RHPN2: variants seen among roughly 807,000 people sequenced by gnomAD.
The protein encoded by RHPN2 is rhophilin-2.
RHPN2 carries 40 observed loss-of-function variants against 79.0 expected under a neutral mutation model. That is an observed-to-expected ratio of 0.51 (90% CI 0.39 to 0.66). The LOEUF is 0.66. Ranked by LOEUF, RHPN2 falls within the 30% of genes least tolerant of loss-of-function variation. RHPN2 has a pLI of 0.00. For missense variants in RHPN2, 686 were observed against 883.5 expected, an observed-to-expected ratio of 0.78 and a Z score of 2.83; for synonymous variants, 285 against 363.5, an observed-to-expected ratio of 0.78 and a Z score of 2.46.
At position 33,002,316 on chromosome 19, in the gene RHPN2, A is replaced by G. The variant is rs753391318; in HGVS notation, c.1036T>C (p.Cys346Arg). ...GCCGCGTAGTGGTGGGCCTTCACGC[A>G]GGCTAAGCTGGCCCAGGAGTAGGGG... is the stretch of plus-strand genomic sequence containing the variant. ...NIPYSWASLA[C>R]VKAHHYAALA... The change falls in exon 9 of 15, where the codon TGC becomes CGC. Residue 346 changes from cysteine to arginine, a missense_variant. Transcript: ENST00000254260. 6 of 1,613,900 alleles carry G rather than the reference A, an allele frequency of 3.7e-6. No homozygotes were observed. Among genetic ancestry groups the G allele is most frequent in the South Asian group, 1.1e-5 (1 of 91,062 alleles).
In RHPN2 at chr19:32,979,645, A is replaced by G. The variant is rs1158979934; in HGVS notation, c.*351T>C. 1 of 238,370 alleles carries G rather than the reference A, an allele frequency of 4.2e-6. No homozygotes were observed. The highest frequency in any genetic ancestry group is 2.3e-5 in the African/African-American group (1 of 43,038). The allele number at this position is 238,370 out of a possible 1,614,324, so 14.8% of individuals were successfully genotyped here. A position where few individuals can be genotyped will look rare whatever the true frequency, so the allele number is the denominator to read the frequency against. ...TTATTAGCCAAACCTGGAAACAACT[A>G]CAAATTGTACTGATATAGGTAACCC... On this transcript the variant is annotated 3_prime_UTR_variant, in exon 15 of 15. Coordinates refer to ENST00000254260, the MANE Select transcript of RHPN2 (RefSeq NM_033103.5).
intron 10 of RHPN2, among the ~76,000 whole-genome samples, chr19:32,999,155 G>T (rs1971728384): frequency 6.6e-6 from 1 of 152,052 alleles, no homozygotes; most frequent in African/African-American, 2.4e-5. Flanking sequence ...AGAGGGGCAG[G>T]TTAGGGTGGT....
chr19:32,991,856 C>A lies in RHPN2; in HGVS notation c.1611G>T (p.Gln537His), dbSNP rs752960645. Residue 537 changes from glutamine to histidine, a missense_variant, in exon 13 of 15, where the codon CAG (glutamine) becomes CAT (histidine). Coordinates refer to ENST00000254260, the MANE Select transcript of RHPN2 (RefSeq NM_033103.5). ...AGCAGTAAGGATCCAGGAAGTGAAC[C>A]TGAACGGGGGCGTTCCCTCTCAAGG... is the stretch of plus-strand genomic sequence containing the variant. ...GFTLRGNAPV[Q>H]VHFLDPYCSA... 7.4e-6 allele frequency: 12 copies of A among 1,613,960 alleles called. No individual in the cohort carries two copies.
rs1026932914 is a variant in RHPN2 at position 32,993,903 on chromosome 19, A to G, written c.1497+74T>C. The stretch of plus-strand genomic sequence containing the variant: ...CATTTTGTTATAGCAGCCCACATGG[A>G]CTAAGACACCATACTCGCCAAAGTG... On this transcript the variant is annotated intron_variant, in intron 12 of 14. Coordinates refer to ENST00000254260, the MANE Select transcript of RHPN2 (RefSeq NM_033103.5). 1.3e-5 allele frequency: 14 copies of G among 1,087,374 alleles called. No homozygotes were observed. In the African/African-American group the frequency reaches 2.0e-4, roughly 16 times the overall value. 67.4% of individuals were successfully genotyped at this position (1,087,374 alleles called of 1,614,324 possible).
intron 2 of RHPN2, among the ~76,000 whole-genome samples, chr19:33,038,066 G>A (rs918431939): frequency 1.3e-5 from 2 of 152,014 alleles, no homozygotes; most frequent in Non-Finnish European, 2.9e-5. Flanking sequence ...TTAGCCGAAT[G>A]CCAGTCAGGT....
intron 10 of RHPN2, among the ~76,000 whole-genome samples, chr19:32,997,049 C>T (rs1971707972): frequency 6.6e-6 from 1 of 152,138 alleles, no homozygotes; most frequent in African/African-American, 2.4e-5. Flanking sequence ...GCATGCACCA[C>T]CACACTTGGA....
chr19:33,061,282 G>A (rs1471458655), intron 1 of RHPN2, among the ~76,000 whole-genome samples: 5 of 144,152 alleles, frequency 3.5e-5, no homozygotes, highest in East Asian at 4.1e-4. Flanking sequence ...AGGCAGTGGC[G>A]CAATCTCGGC....
In RHPN2 at chr19:33,037,793, C is replaced by A. The variant is rs560177827; in HGVS notation, c.185+6456G>T. ...CACGCTGCATTTAAGCACTGTAACACCGCGAGGGTCCGTCGCTTCATTCTT... is the reference window on the plus strand; with the variant it reads ...CACGCTGCATTTAAGCACTGTAACAACGCGAGGGTCCGTCGCTTCATTCTT... On this transcript the variant is annotated intron_variant, in intron 2 of 14. Coordinates refer to ENST00000254260, the MANE Select transcript of RHPN2 (RefSeq NM_033103.5). 7.2e-5 allele frequency among the ~76,000 whole-genome samples: 11 copies of A among 152,320 alleles called. No individual in the cohort carries two copies. The East Asian group carries it at 2.1e-3, about 29-fold the overall frequency.
intron 1 of RHPN2, among the ~76,000 whole-genome samples, chr19:33,046,334 C>T (rs985725369): frequency 2.0e-5 from 3 of 152,036 alleles, no homozygotes; most frequent in Middle Eastern, 3.2e-3. Flanking sequence ...GGCTCGATCT[C>T]GGCTCATTGC....
intron 14 of RHPN2, among the ~76,000 whole-genome samples, chr19:32,983,673 A>G (rs11084688): frequency 0.79 from 113,387 of 143,504 alleles, 45,695 homozygotes; most frequent in African/African-American, 0.95. Flanking sequence ...CTGTCACCAG[A>G]CTGGAGTGCA....
intron 1 of RHPN2, among the ~76,000 whole-genome samples, chr19:33,057,171 C>CT (rs34378143): frequency 6.8e-6 from 1 of 147,254 alleles, no homozygotes; most frequent in Non-Finnish European, 1.5e-5. Flanking sequence ...ACAGTGAGAC[C>CT]GTCTCTACAA....
At chr19:33,007,220 C>T (rs1298479802) in intron 7 of RHPN2, among the ~76,000 whole-genome samples, 2 of 151,800 alleles carry the variant, frequency 1.3e-5, no homozygotes, top group Admixed American at 6.6e-5. Flanking sequence ...GGTGCGGTGG[C>T]TCATGCCTGT....
intron 2 of RHPN2, among the ~76,000 whole-genome samples, chr19:33,034,537 C>T (rs1374931184): frequency 7.0e-6 from 1 of 143,874 alleles, no homozygotes; most frequent in Non-Finnish European, 1.5e-5. Context: ...ACCTGGGAGG[C>T]AGAGCTTACA....
intron 2 of RHPN2, chr19:33,027,109 A>C: frequency 3.9e-6 from 1 of 255,282 alleles, no homozygotes; most frequent in Non-Finnish European, 7.8e-6. Flanking sequence ...AAAATACAAA[A>C]ACTAGCTGGG....
At chr19:33,054,829 T>C (rs1972218889) in intron 1 of RHPN2, among the ~76,000 whole-genome samples, 1 of 152,174 alleles carries the variant, frequency 6.6e-6, no homozygotes. Flanking sequence ...GTGGCAACCA[T>C]CCAAATGGCC....
Position 33,011,715 on chromosome 19 carries a change from A to T in RHPN2, c.557T>A (p.Phe186Tyr), listed in dbSNP as rs540549805. ...GAGTCCCATCTGCCGTGTGGGCGGG[A>T]AGAATCGACTCTCGACAAAGCCCAG... ...IQLGFVESRF[F>Y]PPTRQMGLLF... Residue 186 changes from phenylalanine to tyrosine, a missense_variant, in exon 6 of 15, where the codon TTC becomes TAC. Physicochemically the swap from Phe to Tyr is conservative, Grantham distance 22. Coordinates refer to ENST00000254260, the MANE Select transcript of RHPN2 (RefSeq NM_033103.5). 2 of 1,613,948 alleles carry T rather than the reference A, an allele frequency of 1.2e-6. No individual in the cohort carries two copies. The highest frequency in any genetic ancestry group is 2.2e-5 in the South Asian group (2 of 91,078).
chr19:32,986,636 A>C (rs1468096750), intron 14 of RHPN2, among the ~76,000 whole-genome samples: 3 of 152,000 alleles, frequency 2.0e-5, no homozygotes, highest in Middle Eastern at 3.4e-3. Context: ...TCCACTAAAA[A>C]TACAAAAATT....
chr19:33,049,452 T>C (rs1310696207), intron 1 of RHPN2, among the ~76,000 whole-genome samples: 1 of 152,204 alleles, frequency 6.6e-6, no homozygotes, highest in Non-Finnish European at 1.5e-5. Context: ...AAAGCCGCTC[T>C]GAGACTGGAG....
intron 1 of RHPN2, among the ~76,000 whole-genome samples, chr19:33,054,557 A>C (rs572508424): frequency 6.6e-6 from 1 of 152,232 alleles, no homozygotes; most frequent in South Asian, 2.1e-4. Flanking sequence ...CGAGGGTCTG[A>C]ATGGGCAGCC....
Sources: allele counts gnomAD v4.1 joint callset (sites outside exome capture counted in the v4.1 genomes callset), GRCh38; gene constraint gnomAD v4.1.1; transcripts MANE v1.5; gene names NCBI Gene and HGNC (gene_info 2026-07-23, HGNC 2026-07-21).